MBD2: variants seen among roughly 807,000 people sequenced by gnomAD.
The protein encoded by MBD2 is methyl-CpG-binding domain protein 2.
Under a neutral mutation model 39.3 loss-of-function variants are expected in MBD2, and 9 were observed. The observed-to-expected ratio is 0.23, with a 90% CI of 0.14 to 0.40. The LOEUF is 0.40. MBD2 is among the 10% of genes least tolerant of loss of function. The probability of loss-of-function intolerance (pLI) is 1.00; values close to 1 mark genes in which losing one functional copy is unlikely to be tolerated. For missense variants in MBD2, 458 were observed against 532.6 expected (o/e 0.86, Z 1.38); for synonymous variants, 233 against 211.1 (o/e 1.10, Z -0.90).
intron 3 of MBD2, among the ~76,000 whole-genome samples, chr18:54,180,540 T>C (rs2144300907): frequency 6.6e-6 from 1 of 152,246 alleles, no homozygotes. Flanking sequence ...GAGAGAACTA[T>C]GTAGTCACCT....
At chr18:54,213,465 G>A (rs2086527993) in intron 1 of MBD2, among the ~76,000 whole-genome samples, 1 of 152,226 alleles carries the variant, frequency 6.6e-6, no homozygotes, top group South Asian at 2.1e-4. Flanking sequence ...TGCCGAAAAA[G>A]TTGGGGACCA....
chr18:54,165,167 T>C (rs530557154), intron 4 of MBD2, among the ~76,000 whole-genome samples: 1 of 152,340 alleles, frequency 6.6e-6, no homozygotes, highest in East Asian at 1.9e-4. Flanking sequence ...AACATTAATT[T>C]CCAGCAATAT....
intron 1 of MBD2, among the ~76,000 whole-genome samples, chr18:54,216,987 G>A (rs1448150231): frequency 6.6e-6 from 1 of 152,220 alleles, no homozygotes; most frequent in Non-Finnish European, 1.5e-5. Flanking sequence ...TACTTGGGAA[G>A]CTGAGGCAGG....
At chr18:54,196,389 A>T (rs1159966699) in intron 2 of MBD2, among the ~76,000 whole-genome samples, 6 of 152,190 alleles carry the variant, frequency 3.9e-5, no homozygotes, top group Non-Finnish European at 8.8e-5. Context: ...CTTGAAAAAT[A>T]ACTTACTGGA....
chr18:54,159,361 G>A (rs1165944690), intron 6 of MBD2, among the ~76,000 whole-genome samples: 1 of 151,802 alleles, frequency 6.6e-6, no homozygotes. Flanking sequence ...CAGAGGAGTA[G>A]CTTTTTCATT....
intron 3 of MBD2, chr18:54,187,668 G>A: frequency 4.1e-6 from 4 of 985,618 alleles, no homozygotes; most frequent in Non-Finnish European, 4.8e-6. Flanking sequence ...AGAGCCTAAA[G>A]GCACATGCAG....
intron 3 of MBD2, 48 bp downstream of exon 3, chr18:54,188,826 C>T (rs750247920): frequency 3.3e-5 from 51 of 1,534,110 alleles, no homozygotes; most frequent in South Asian, 3.9e-5. Context: ...GGTAAAAATA[C>T]CAGCATTTTT....
chr18:54,201,153 GAA>G (rs1333909498), intron 2 of MBD2, among the ~76,000 whole-genome samples: 3 of 152,026 alleles, frequency 2.0e-5, no homozygotes, highest in Non-Finnish European at 2.9e-5. Context: ...ACCTGTGGCT[GAA>G]AAGAGTCCCG....
At chr18:54,214,787 T>C (rs1568094466) in intron 1 of MBD2, among the ~76,000 whole-genome samples, 1 of 151,040 alleles carries the variant, frequency 6.6e-6, no homozygotes, top group East Asian at 2.0e-4. Context: ...TCGCCGAGGC[T>C]GGAGTGCAGT....
At chr18:54,182,448 A>C (rs983554781) in intron 3 of MBD2, among the ~76,000 whole-genome samples, 2 of 152,186 alleles carry the variant, frequency 1.3e-5, no homozygotes, top group Non-Finnish European at 2.9e-5. Flanking sequence ...TGTAAGGGTC[A>C]GGGGTAGGGG....
intron 2 of MBD2, among the ~76,000 whole-genome samples, chr18:54,194,928 T>C (rs2086353538): frequency 6.6e-6 from 1 of 152,112 alleles, no homozygotes; most frequent in Non-Finnish European, 1.5e-5. Context: ...CAATCCAGTA[T>C]CTCATAGTGT....
At chr18:54,171,626 A>T (rs935880729) in intron 3 of MBD2, among the ~76,000 whole-genome samples, 2 of 152,228 alleles carry the variant, frequency 1.3e-5, no homozygotes, top group African/African-American at 4.8e-5. Flanking sequence ...AAATGAAGAA[A>T]GGGCTTACCC....
At chr18:54,220,934 G>A (rs910091337) in intron 1 of MBD2, among the ~76,000 whole-genome samples, 11 of 152,146 alleles carry the variant, frequency 7.2e-5, no homozygotes, top group East Asian at 1.9e-4. Flanking sequence ...GCAAAGTAAC[G>A]GAACCTCTGT....
intron 6 of MBD2, among the ~76,000 whole-genome samples, chr18:54,156,837 G>A (rs1362999757): frequency 6.6e-6 from 1 of 151,910 alleles, no homozygotes; most frequent in African/African-American, 2.4e-5. Flanking sequence ...TGGATGACAA[G>A]AGCGAAACTC....
At chr18:54,178,518 TAAAA>T (rs1203461717) in intron 3 of MBD2, among the ~76,000 whole-genome samples, 1 of 150,886 alleles carries the variant, frequency 6.6e-6, no homozygotes, top group Non-Finnish European at 1.5e-5. Flanking sequence ...AAGCTGGAAA[TAAAA>T]AGAAAGTGCA....
chr18:54,214,975 C>A (rs1040353832), intron 1 of MBD2, among the ~76,000 whole-genome samples: 1 of 151,958 alleles, frequency 6.6e-6, no homozygotes, highest in African/African-American at 2.4e-5. Context: ...CTCCTGACCT[C>A]GTGATCCACC....
chr18:54,206,512 T>C (rs1414503975), intron 1 of MBD2, among the ~76,000 whole-genome samples: 2 of 152,062 alleles, frequency 1.3e-5, no homozygotes, highest in East Asian at 3.9e-4. Flanking sequence ...CATAGGAAGA[T>C]AAAAGGAAAA....
chr18:54,159,670 A>G, intron 6 of MBD2, 95 bp downstream of exon 6: 1 of 1,416,762 alleles, frequency 7.1e-7, no homozygotes, highest in Non-Finnish European at 9.7e-7. Context: ...CGCCCGCCTC[A>G]GCCACCCAAG....
rs534199096 is a variant in MBD2, at chr18:54,207,865, G to A, written c.543-2708C>T. On this transcript the variant is annotated intron_variant, in intron 1 of 6. Coordinates refer to ENST00000256429, the MANE Select transcript of MBD2 (RefSeq NM_003927.5). ...ATCCTGGCTAACACGGTGAAACCCCGTCTCTACTAAAAATACAAAAAAATT... is the reference window on the plus strand; with the variant it reads ...ATCCTGGCTAACACGGTGAAACCCCATCTCTACTAAAAATACAAAAAAATT... Among the ~76,000 whole-genome samples the A allele has an allele frequency of 4.4e-3, 672 of 151,914 alleles. 2 individuals carry two copies. The highest frequency in any genetic ancestry group is 7.3e-3 in the Non-Finnish European group (495 of 67,970).
Sources: gnomAD v4.1 joint callset for allele counts (sites outside exome capture counted in the v4.1 genomes callset) on GRCh38, gnomAD v4.1.1 for gene constraint, MANE v1.5 for transcripts, NCBI Gene and HGNC (gene_info 2026-07-23, HGNC 2026-07-21) for gene names.